Variants in TBCD observed in about 807,000 individuals in gnomAD.
TBCD encodes the protein tubulin-specific chaperone D.
A neutral mutation model predicts 169.3 loss-of-function variants in TBCD; 105 were observed. The ratio of observed to expected loss-of-function variants is 0.62; its 90% CI spans 0.53 to 0.73. TBCD has a LOEUF of 0.73. Among genes scored for constraint, TBCD ranks in the 30% least tolerant of loss-of-function variants. The pLI is 0.00. For missense variants in TBCD, 1,444 were observed against 1,600.1 expected (o/e 0.90, Z 1.66); for synonymous variants, 700 against 643.9 (o/e 1.09, Z -1.32).
rs1347736133 is a variant in TBCD, at chr17:82,806,414, A to G, written c.1087+403A>G. On this transcript the variant is annotated intron_variant, in intron 10 of 38. Coordinates refer to ENST00000355528, the MANE Select transcript of TBCD (RefSeq NM_005993.5). The surrounding 1 kb of genome is among the most constrained non-coding windows in gnomAD (Gnocchi z 5.1). Reference sequence around the variant, plus strand: ...GCCATTTCAAACTCCCTTAAACCACATTACACCTTGCAGGGGTCTCCATCC... The same window carrying G: ...GCCATTTCAAACTCCCTTAAACCACGTTACACCTTGCAGGGGTCTCCATCC... 1.3e-5 allele frequency among the ~76,000 whole-genome samples: 2 copies of G among 151,866 alleles called. No homozygotes were observed. The highest frequency in any genetic ancestry group is 1.3e-4 in the Admixed American group (2 of 15,270).
At chr17:82,803,315 C>T (rs1225430869) in intron 9 of TBCD, among the ~76,000 whole-genome samples, 2 of 152,216 alleles carry the variant, frequency 1.3e-5, no homozygotes, top group Non-Finnish European at 2.9e-5. Flanking sequence ...ACGGCTTTCT[C>T]TCCCGTCCTG....
chr17:82,916,224 A>G (rs2061020000), intron 23 of TBCD, among the ~76,000 whole-genome samples: 1 of 150,972 alleles, frequency 6.6e-6, no homozygotes, highest in South Asian at 2.1e-4. Context: ...TCGTTTGTTT[A>G]TACCAAAATG....
chr17:82,848,767 C>T (rs1272480144), intron 13 of TBCD, among the ~76,000 whole-genome samples: 1 of 152,188 alleles, frequency 6.6e-6, no homozygotes, highest in Non-Finnish European at 1.5e-5. Flanking sequence ...CCTTCTCATC[C>T]TCTCTCCTGT....
At chr17:82,776,333 C>A (rs542552010) in intron 6 of TBCD, among the ~76,000 whole-genome samples, 1 of 152,116 alleles carries the variant, frequency 6.6e-6, no homozygotes, top group Admixed American at 6.5e-5. Flanking sequence ...TGCTTGAGCC[C>A]AGAAGGTTGA....
At chr17:82,762,207 T>C (rs541772639) in intron 2 of TBCD, among the ~76,000 whole-genome samples, 12 of 150,692 alleles carry the variant, frequency 8.0e-5, no homozygotes, top group African/African-American at 2.2e-4. Flanking sequence ...TCCCAGCTAC[T>C]TGGGAGGCTG....
intron 2 of TBCD, among the ~76,000 whole-genome samples, chr17:82,761,807 G>A (rs1264066835): frequency 6.6e-6 from 1 of 151,004 alleles, no homozygotes; most frequent in Non-Finnish European, 1.5e-5. Context: ...CTCACTGCAA[G>A]CTCTGCCACC....
chr17:82,830,675 G>C (rs773506296), intron 13 of TBCD: 2 of 1,614,162 alleles, frequency 1.2e-6, no homozygotes, highest in Non-Finnish European at 1.7e-6. Flanking sequence ...GGAAGGTCCT[G>C]CAGCTCTGAG....
intron 7 of TBCD, among the ~76,000 whole-genome samples, chr17:82,792,590 G>A (rs954462082): frequency 1.3e-5 from 2 of 152,202 alleles, no homozygotes; most frequent in Non-Finnish European, 1.5e-5. Context: ...GAGCTGTGTT[G>A]CCTTGGTTTA....
intron 7 of TBCD, among the ~76,000 whole-genome samples, chr17:82,786,458 C>T (rs199673337): frequency 5.3e-5 from 8 of 152,140 alleles, no homozygotes; most frequent in South Asian, 4.1e-4. Flanking sequence ...GATCTCTGTC[C>T]GGTCTCTTAA....
chr17:82,904,841 T>C (rs965009101), intron 19 of TBCD, among the ~76,000 whole-genome samples: 2 of 152,180 alleles, frequency 1.3e-5, no homozygotes, highest in Non-Finnish European at 2.9e-5. Context: ...TTTTCAGTGA[T>C]AATTAACCCT....
intron 14 of TBCD, among the ~76,000 whole-genome samples, chr17:82,883,770 G>A (rs2058535658): frequency 6.6e-6 from 1 of 152,206 alleles, no homozygotes; most frequent in Non-Finnish European, 1.5e-5. Context: ...CGTCCTCCAG[G>A]GCACTCCGTT....
intron 10 of TBCD, among the ~76,000 whole-genome samples, chr17:82,807,226 G>A (rs1404227043): frequency 2.0e-5 from 3 of 152,248 alleles, no homozygotes; most frequent in African/African-American, 4.8e-5. Flanking sequence ...TGGGAGAGAC[G>A]TCTTCGTGCA....
intron 13 of TBCD, chr17:82,859,494 G>C (rs752401890): frequency 1.0e-6 from 1 of 956,556 alleles, no homozygotes; most frequent in South Asian, 4.9e-5. Flanking sequence ...CTCACACACT[G>C]GCTTTCAGGG....
At chr17:82,881,147 C>G (rs1312452615) in intron 14 of TBCD, among the ~76,000 whole-genome samples, 1 of 152,216 alleles carries the variant, frequency 6.6e-6, no homozygotes, top group African/African-American at 2.4e-5. Context: ...CTGCAACCAC[C>G]TGGGCTTGCT....
At chr17:82,931,011 C>T (rs775374763) in intron 33 of TBCD, among the ~76,000 whole-genome samples, 10 of 152,216 alleles carry the variant, frequency 6.6e-5, no homozygotes, top group Non-Finnish European at 1.2e-4. Flanking sequence ...ATCAGCCACC[C>T]GGCAAGTGAG....
At chr17:82,941,334 C>T (rs1274968995) in intron 37 of TBCD, 65 bp from the exon 38 acceptor site, 15 of 1,406,494 alleles carry the variant, frequency 1.1e-5, no homozygotes, top group Non-Finnish European at 2.9e-6. Context: ...TGACGCGGGA[C>T]CTCCGCACAC....
At chr17:82,809,585 T>C in intron 11 of TBCD, 123 bp from the exon 12 acceptor site, 1 of 1,028,450 alleles carries the variant, frequency 9.7e-7, no homozygotes, top group Non-Finnish European at 1.4e-6. Context: ...TTGCCTGGAG[T>C]TGGCCTCTTC....
chr17:82,764,853 C>CTG (rs58458929), intron 3 of TBCD, among the ~76,000 whole-genome samples: 8 of 736 alleles, frequency 0.011, no homozygotes, highest in East Asian at 0.036. Flanking sequence ...TTGCGGGTGT[C>CTG]TGTGCTCATA....
rs1322723930 is a variant in TBCD at position 82,917,021 on chromosome 17, TTTC to T, written c.2039-3532_2039-3530del. On this transcript the variant is annotated intron_variant, in intron 23 of 38. Transcript: ENST00000355528. The stretch of plus-strand genomic sequence containing the variant: ...GTTTGGACTTTTTTTTTTCTTTTCT[TTTC>T]TTTTTTTTTTTTTTGAGTTGGAGTC... Among the ~76,000 whole-genome samples, 36 of 127,924 alleles carry T rather than the reference TTTC, an allele frequency of 2.8e-4. 2 individuals carry two copies. The highest frequency in any genetic ancestry group is 9.5e-4 in the African/African-American group (29 of 30,554). 83.9% of individuals were successfully genotyped at this position (127,924 alleles called of 152,430 possible).
Sources: gnomAD v4.1 joint callset for allele counts (sites outside exome capture counted in the v4.1 genomes callset) on GRCh38, gnomAD v4.1.1 for gene constraint, Gnocchi (gnomAD v3.1) non-coding constraint, MANE v1.5 for transcripts, NCBI Gene and HGNC (gene_info 2026-07-23, HGNC 2026-07-21) for gene names.